ADGRA2: variants seen among roughly 807,000 people sequenced by gnomAD.
The protein encoded by ADGRA2 is adhesion G protein-coupled receptor A2.
A neutral mutation model predicts 98.7 loss-of-function variants in ADGRA2; 61 were observed. That is an observed-to-expected ratio of 0.62 (90% CI 0.50 to 0.76). ADGRA2 has a LOEUF of 0.76. Ranked by LOEUF, ADGRA2 falls within the 30% of genes least tolerant of loss-of-function variation. The pLI is 0.00. For synonymous variants in ADGRA2, 858 were observed against 831.5 expected (o/e 1.03, Z -0.55); for missense variants, 1,712 against 1,860.0 (o/e 0.92, Z 1.46).
intron 1 of ADGRA2, among the ~76,000 whole-genome samples, chr8:37,804,596 G>A (rs1001212580): frequency 6.6e-6 from 1 of 152,230 alleles, no homozygotes; most frequent in Admixed American, 6.5e-5. Flanking sequence ...GGAACACCTA[G>A]CTTAGAGGTT....
rs1040895649 is a variant in ADGRA2, at chr8:37,802,379, G to T, written c.266+4845G>T. Among the ~76,000 whole-genome samples, 3 of 152,206 alleles carry T rather than the reference G, an allele frequency of 2.0e-5. No homozygotes were observed. Among genetic ancestry groups the T allele is most frequent in the Non-Finnish European group, 4.4e-5 (3 of 68,040 alleles). ...CCCCATATGGTTCTCATAAGGTCTG[G>T]GCGCAGAGACAGCAGCCAGAGGAAG... On this transcript the variant is annotated intron_variant, in intron 1 of 18. Coordinates refer to ENST00000412232, the MANE Select transcript of ADGRA2 (RefSeq NM_032777.10). This position sits in a 1 kb window ranked among gnomAD's most constrained non-coding sequence, Gnocchi z 4.7.
At chr8:37,836,249 C>A (rs1805612796) in intron 13 of ADGRA2, among the ~76,000 whole-genome samples, 1 of 152,104 alleles carries the variant, frequency 6.6e-6, no homozygotes, top group Admixed American at 6.5e-5. Flanking sequence ...CCTCCCAGGG[C>A]AGCCACAGGA....
chr8:37,840,549 G>T (rs1377128298), intron 17 of ADGRA2, among the ~76,000 whole-genome samples: 1 of 152,130 alleles, frequency 6.6e-6, no homozygotes, highest in African/African-American at 2.4e-5. Flanking sequence ...CACTGTTTAG[G>T]GTGAGAGAGC....
At chr8:37,811,476 T>C (rs1236403552) in intron 1 of ADGRA2, among the ~76,000 whole-genome samples, 2 of 129,692 alleles carry the variant, frequency 1.5e-5, no homozygotes, top group African/African-American at 7.4e-5. Flanking sequence ...CCAGCCAACT[T>C]TTTTTTTTTT....
chr8:37,814,995 G>C lies in ADGRA2; in HGVS notation c.338+28G>C. Reference sequence around the variant, plus strand: ...AAGTGCTGGGGAAGGTGAGGTGGAGGAGGGGGGTGGCCGTGATGGCAAGAG... The same window carrying C: ...AAGTGCTGGGGAAGGTGAGGTGGAGCAGGGGGGTGGCCGTGATGGCAAGAG... On this transcript the variant is annotated intron_variant, in intron 2 of 18. Coordinates refer to ENST00000412232, the MANE Select transcript of ADGRA2 (RefSeq NM_032777.10). This position sits in a 1 kb window ranked among gnomAD's most constrained non-coding sequence, Gnocchi z 4.3. 1 of 1,529,526 alleles carries C rather than the reference G, an allele frequency of 6.5e-7. No individual in the cohort carries two copies. Among genetic ancestry groups the C allele is most frequent in the Non-Finnish European group, 9.1e-7 (1 of 1,102,788 alleles). 94.7% of individuals were successfully genotyped at this position (1,529,526 alleles called of 1,614,324 possible). A position where few individuals can be genotyped will look rare whatever the true frequency, so the allele number is the denominator to read the frequency against.
chr8:37,844,814 A>G lies in ADGRA2; in HGVS notation c.*2459A>G. ...TCTCCACTTCTGCTGTCCCATCCCG[A>G]AAGGCAGAGCGGACCAGTGACTGGC... On this transcript the variant is annotated 3_prime_UTR_variant, in exon 19 of 19. Transcript: ENST00000412232. 1 of 1,614,028 alleles carries G rather than the reference A, an allele frequency of 6.2e-7. No homozygotes were observed.
At chr8:37,824,118 G>A (rs1275976241) in intron 2 of ADGRA2, among the ~76,000 whole-genome samples, 1 of 151,556 alleles carries the variant, frequency 6.6e-6, no homozygotes, top group African/African-American at 2.4e-5. Flanking sequence ...TGCAATCTCC[G>A]CCTCCTGGGT....
intron 8 of ADGRA2, 63 bp from the exon 9 acceptor site, chr8:37,832,944 AGTC>A (rs1805496349): frequency 7.8e-7 from 1 of 1,279,034 alleles, no homozygotes; most frequent in Non-Finnish European, 1.1e-6. Flanking sequence ...ACCGTTCTAA[AGTC>A]GGGAGAAGGG....
At chr8:37,821,954 C>T (rs1262140792) in intron 2 of ADGRA2, among the ~76,000 whole-genome samples, 1 of 152,096 alleles carries the variant, frequency 6.6e-6, no homozygotes, top group African/African-American at 2.4e-5. Context: ...CTCCTCCCCT[C>T]CCCGTCCCCA....
At chr8:37,813,960 G>T (rs1261154453) in intron 1 of ADGRA2, among the ~76,000 whole-genome samples, 1 of 152,218 alleles carries the variant, frequency 6.6e-6, no homozygotes. Context: ...CCCAGGGCCT[G>T]CACCTCTGGC....
At chr8:37,828,509 T>C (rs1385923050) in intron 2 of ADGRA2, among the ~76,000 whole-genome samples, 3 of 121,298 alleles carry the variant, frequency 2.5e-5, no homozygotes, top group African/African-American at 6.4e-5. Flanking sequence ...TTTTTTGAGA[T>C]GGAGTCTCGC....
chr8:37,825,175 G>C (rs1038084736), intron 2 of ADGRA2, among the ~76,000 whole-genome samples: 1 of 152,086 alleles, frequency 6.6e-6, no homozygotes, highest in Non-Finnish European at 1.5e-5. Flanking sequence ...ATATCTGCGC[G>C]TGCTTCCACA....
In ADGRA2 at chr8:37,797,667, G is replaced by A; in HGVS notation, c.266+133G>A. On this transcript the variant is annotated intron_variant, in intron 1 of 18. Transcript: ENST00000412232. This position sits in a 1 kb window ranked among gnomAD's most constrained non-coding sequence, Gnocchi z 5.3. ...GATTTCTGGACAGGCCTGGGTTCAG[G>A]CCCCCAGAGGGGAAGATTGGAGGAG... is the stretch of plus-strand genomic sequence containing the variant. 2.3e-6 allele frequency: 2 copies of A among 880,396 alleles called. No homozygotes were observed. Among genetic ancestry groups the A allele is most frequent in the Non-Finnish European group, 3.1e-6 (2 of 655,124 alleles). The allele number at this position is 880,396 out of a possible 1,614,324, so 54.5% of individuals were successfully genotyped here. A position where few individuals can be genotyped will look rare whatever the true frequency, so the allele number is the denominator to read the frequency against.
rs1314457912 is a variant in ADGRA2, at chr8:37,797,728, G to A, written c.266+194G>A. Among the ~76,000 whole-genome samples the A allele has an allele frequency of 6.6e-6, 1 of 152,198 alleles. No individual in the cohort carries two copies. The highest frequency in any genetic ancestry group is 2.1e-4 in the South Asian group (1 of 4,834). ...ACTGGGGCTCCAGGAGCGTGGAGGCGGGAAGGGGCTGCGGGGGACAGGCGC... is the reference window on the plus strand; with the variant it reads ...ACTGGGGCTCCAGGAGCGTGGAGGCAGGAAGGGGCTGCGGGGGACAGGCGC... On this transcript the variant is annotated intron_variant, in intron 1 of 18. Transcript: ENST00000412232. This position sits in a 1 kb window ranked among gnomAD's most constrained non-coding sequence, Gnocchi z 5.3.
intron 11 of ADGRA2, 84 bp from the exon 12 acceptor site, chr8:37,835,090 G>A: frequency 1.0e-6 from 1 of 953,738 alleles, no homozygotes; most frequent in Non-Finnish European, 1.7e-6. Context: ...ACTACAGCCT[G>A]AGCAGGCCCA....
At chr8:37,804,471 C>T (rs567167161) in intron 1 of ADGRA2, among the ~76,000 whole-genome samples, 8 of 152,310 alleles carry the variant, frequency 5.3e-5, no homozygotes, top group Non-Finnish European at 7.3e-5. Flanking sequence ...GGAGTTTAAG[C>T]GGCCTGACCC....
At chr8:37,819,155 A>G (rs1805060848) in intron 2 of ADGRA2, among the ~76,000 whole-genome samples, 1 of 152,112 alleles carries the variant, frequency 6.6e-6, no homozygotes, top group African/African-American at 2.4e-5. Flanking sequence ...CTAAAATTCT[A>G]TGATCCTTGG....
intron 13 of ADGRA2, 118 bp from the exon 14 acceptor site, chr8:37,837,613 C>T: frequency 1.2e-6 from 1 of 834,526 alleles, no homozygotes; most frequent in Non-Finnish European, 2.0e-6. Context: ...CAGCACTGTG[C>T]CCTGCCTGGC....
chr8:37,831,289 G>A, intron 7 of ADGRA2, 134 bp from the exon 8 acceptor site: 1 of 757,324 alleles, frequency 1.3e-6, no homozygotes, highest in Non-Finnish European at 2.2e-6. Flanking sequence ...AGAATAAAAG[G>A]AGTGCATACT....
Sources: allele counts gnomAD v4.1 joint callset (sites outside exome capture counted in the v4.1 genomes callset), GRCh38; gene constraint gnomAD v4.1.1; non-coding constraint Gnocchi (gnomAD v3.1); transcripts MANE v1.5; gene names NCBI Gene and HGNC (gene_info 2026-07-23, HGNC 2026-07-21).